The following TMPRSS15 variants were observed in gnomAD, a reference collection of about 807,000 sequenced individuals.
TMPRSS15 encodes transmembrane serine protease 15, also known as enteropeptidase.
In TMPRSS15, 128 loss-of-function variants were observed where a neutral mutation model predicts 125.3. That is an observed-to-expected ratio of 1.02 (90% confidence interval 0.89 to 1.18). The LOEUF (loss-of-function observed/expected upper bound fraction) is 1.18, where lower values mean the gene tolerates loss of function less well. Among genes scored for constraint, TMPRSS15 ranks in the 50% most tolerant of loss-of-function variants. The pLI is 0.00. For synonymous variants in TMPRSS15, 446 were observed against 423.2 expected (o/e 1.05, Z -0.66); for missense variants, 1,283 against 1,212.7 (o/e 1.06, Z -0.86).
intron 10 of TMPRSS15, among the ~76,000 whole-genome samples, chr21:18,349,574 T>G (rs1254277434): frequency 2.0e-5 from 3 of 152,190 alleles, no homozygotes; most frequent in African/African-American, 4.8e-5. Context: ...TCTCTTTCAT[T>G]TCAGAGATAG....
In TMPRSS15 at chr21:18,455,220, C is replaced by T. The variant is rs542824464; in HGVS notation, c.10+30579G>A. Among the ~76,000 whole-genome samples, 36 of 152,280 alleles carry T rather than the reference C, an allele frequency of 2.4e-4. No individual in the cohort carries two copies. The South Asian group carries it at 2.7e-3, about 11-fold the overall frequency. On this transcript the variant is annotated intron_variant, in intron 1 of 7. Coordinates refer to the TMPRSS15 transcript ENST00000422787. ...CATGTGGGACTATTAGTCAATTAAA[C>T]CTCTTTCCTTTATAAACTACCCTGT...
At chr21:18,452,195 T>C (rs1978350325) in intron 1 of TMPRSS15, among the ~76,000 whole-genome samples, 1 of 152,140 alleles carries the variant, frequency 6.6e-6, no homozygotes, top group Admixed American at 6.6e-5. Context: ...TAGTAACATA[T>C]TTAAGGCATA....
chr21:18,383,928 TCTTTATTTC>T (rs2075918212), intron 3 of TMPRSS15, 150 bp from the exon 4 acceptor site: 1 of 950,856 alleles, frequency 1.1e-6, no homozygotes, highest in Non-Finnish European at 1.6e-6. Flanking sequence ...TCAAATCTTA[TCTTTATTTC>T]ATGAGGGAAA....
chr21:18,460,497 G>C (rs1489713937), intron 1 of TMPRSS15: 1 of 152,092 alleles, frequency 6.6e-6, no homozygotes, highest in Non-Finnish European at 1.5e-5. Context: ...GCAGTAATCA[G>C]AGTTCTGCAA....
intron 1 of TMPRSS15, among the ~76,000 whole-genome samples, chr21:18,423,478 G>C (rs1413468143): frequency 6.7e-6 from 1 of 149,370 alleles, no homozygotes; most frequent in Admixed American, 6.7e-5. Flanking sequence ...GCGCGATCTC[G>C]GCTCACTGCA....
At chr21:18,347,267 C>CGAAA (rs918816799) in intron 10 of TMPRSS15, among the ~76,000 whole-genome samples, 2 of 151,986 alleles carry the variant, frequency 1.3e-5, no homozygotes, top group Admixed American at 1.3e-4. Context: ...GATGATGTTT[C>CGAAA]ACTCCATCAT....
chr21:18,406,511 G>A (rs922890783), upstream of TMPRSS15, among the ~76,000 whole-genome samples: 2 of 151,980 alleles, frequency 1.3e-5, no homozygotes, highest in South Asian at 2.1e-4. Flanking sequence ...CAAGTAGCAG[G>A]CAATTGACAA....
chr21:18,301,866 G>A (rs28503505), intron 18 of TMPRSS15, among the ~76,000 whole-genome samples: 3 of 152,120 alleles, frequency 2.0e-5, no homozygotes, highest in African/African-American at 7.2e-5. Flanking sequence ...TATTCCATGT[G>A]AGAAAAGAAG....
chr21:18,405,953 C>A (rs532746977), upstream of TMPRSS15, among the ~76,000 whole-genome samples: 10 of 152,000 alleles, frequency 6.6e-5, no homozygotes, highest in Non-Finnish European at 7.4e-5. Context: ...AAAATAAAAC[C>A]CTAAGCCACA....
intron 1 of TMPRSS15, among the ~76,000 whole-genome samples, chr21:18,448,318 A>G (rs2076259844): frequency 6.6e-6 from 1 of 152,176 alleles, no homozygotes; most frequent in South Asian, 2.1e-4. Flanking sequence ...TTTACTAAAG[A>G]AGAGTCACTA....
intron 1 of TMPRSS15, among the ~76,000 whole-genome samples, chr21:18,424,857 G>A (rs568576017): frequency 4.0e-5 from 6 of 148,180 alleles, no homozygotes; most frequent in Non-Finnish European, 7.4e-5. Flanking sequence ...AAAGAATGAA[G>A]ACATTAAATG....
intron 23 of TMPRSS15, among the ~76,000 whole-genome samples, chr21:18,276,649 T>C (rs529469678): frequency 6.6e-6 from 1 of 152,268 alleles, no homozygotes; most frequent in African/African-American, 2.4e-5. Context: ...ATTGCCTTGA[T>C]TTAACCAACT....
chr21:18,289,504 C>T (rs2146888797), intron 21 of TMPRSS15, among the ~76,000 whole-genome samples: 1 of 152,344 alleles, frequency 6.6e-6, no homozygotes, highest in South Asian at 2.1e-4. Context: ...AAGAGTGAAA[C>T]TCTGTCTCAA....
At chr21:18,382,265 T>A (rs1474655675) in intron 4 of TMPRSS15, among the ~76,000 whole-genome samples, 1 of 152,142 alleles carries the variant, frequency 6.6e-6, no homozygotes, top group Non-Finnish European at 1.5e-5. Flanking sequence ...TGTTGATAGA[T>A]AAACCACCTG....
intron 1 of TMPRSS15, among the ~76,000 whole-genome samples, chr21:18,470,604 CAG>C (rs1234376763): frequency 2.0e-5 from 3 of 152,006 alleles, no homozygotes; most frequent in Non-Finnish European, 4.4e-5. Context: ...AAGGTCTGCC[CAG>C]AGATTTCATG....
intron 21 of TMPRSS15, among the ~76,000 whole-genome samples, chr21:18,281,915 G>A (rs1002806007): frequency 6.6e-6 from 1 of 151,774 alleles, no homozygotes; most frequent in East Asian, 1.9e-4. Flanking sequence ...GGTTAACACG[G>A]TGAAACCCCG....
intron 3 of TMPRSS15, among the ~76,000 whole-genome samples, chr21:18,392,381 G>A (rs1345604325): frequency 1.3e-5 from 2 of 152,168 alleles, no homozygotes; most frequent in Non-Finnish European, 2.9e-5. Context: ...TAGGGCAGGG[G>A]CAAAATGCTG....
chr21:18,484,567 T>A (rs1414759584), intron 1 of TMPRSS15, among the ~76,000 whole-genome samples: 1 of 151,844 alleles, frequency 6.6e-6, no homozygotes, highest in Admixed American at 6.6e-5. Flanking sequence ...TCTGTTCTTT[T>A]TTATACCTTC....
At chr21:18,362,085 G>A (rs1261647279) in intron 7 of TMPRSS15, among the ~76,000 whole-genome samples, 2 of 152,106 alleles carry the variant, frequency 1.3e-5, no homozygotes, top group African/African-American at 4.8e-5. Context: ...GACATGTCTG[G>A]TAACCACCGG....
Sources: gnomAD v4.1 joint callset for allele counts (sites outside exome capture counted in the v4.1 genomes callset) on GRCh38, gnomAD v4.1.1 for gene constraint, MANE v1.5 for transcripts, NCBI Gene and HGNC (gene_info 2026-07-23, HGNC 2026-07-21) for gene names.